Variants in SEM1 observed in about 807,000 individuals in gnomAD.
SEM1 encodes 26S proteasome complex subunit SEM1.
SEM1 carries 3 observed loss-of-function variants against 12.7 expected under a neutral mutation model. The ratio of observed to expected loss-of-function variants is 0.24; its 90% CI spans 0.11 to 0.61. The LOEUF is 0.61. Ranked by LOEUF, SEM1 falls within the 20% of genes least tolerant of loss-of-function variation. The pLI, the probability that SEM1 is intolerant of heterozygous loss-of-function variation, is 0.88. For missense variants in SEM1, 59 were observed against 81.3 expected (o/e 0.73, Z 1.06); for synonymous variants, 30 against 27.8 (o/e 1.08, Z -0.25).
intron 2 of SEM1, among the ~76,000 whole-genome samples, chr7:96,528,578 T>C (rs1432896550): frequency 1.3e-5 from 2 of 152,140 alleles, no homozygotes; most frequent in Non-Finnish European, 2.9e-5. Context: ...GCCATCTTGA[T>C]TCAAAAACAA....
At chr7:96,681,952 T>C (rs896174354) in intron 2 of SEM1, among the ~76,000 whole-genome samples, 6 of 152,162 alleles carry the variant, frequency 3.9e-5, no homozygotes, top group East Asian at 3.8e-4. Flanking sequence ...GGGAACAGCA[T>C]TGAATCTGTA....
At chr7:96,597,547 A>G (rs568259572) in intron 2 of SEM1, among the ~76,000 whole-genome samples, 3 of 152,228 alleles carry the variant, frequency 2.0e-5, no homozygotes, top group African/African-American at 7.2e-5. Flanking sequence ...CATAAAATAC[A>G]GGTCACTATT....
chr7:96,540,015 T>C (rs1804898158), intron 2 of SEM1, among the ~76,000 whole-genome samples: 1 of 150,562 alleles, frequency 6.6e-6, no homozygotes, highest in South Asian at 2.1e-4. Flanking sequence ...ATTATAAAAA[T>C]AAGTTATAAA....
chr7:96,598,539 T>A (rs1807079166), intron 2 of SEM1, among the ~76,000 whole-genome samples: 1 of 152,144 alleles, frequency 6.6e-6, no homozygotes, highest in African/African-American at 2.4e-5. Context: ...TCAATCTACA[T>A]CCTCTTGCAG....
At chr7:96,594,774 T>A (rs921270219) in intron 2 of SEM1, among the ~76,000 whole-genome samples, 1 of 152,154 alleles carries the variant, frequency 6.6e-6, no homozygotes, top group Non-Finnish European at 1.5e-5. Flanking sequence ...CATCTATTAA[T>A]GTATTACAAA....
At position 96,693,240 on chromosome 7, in the gene SEM1, T is replaced by C. The variant is rs1298264582; in HGVS notation, c.170+1558A>G. ...AGAAGACTGGAATACATATATCTTC[T>C]ATATCTTTACTTGAGCAAAGTATAT... On this transcript the variant is annotated intron_variant, in intron 2 of 2. Transcript: ENST00000248566. Among the ~76,000 whole-genome samples, 3 of 152,222 alleles carry C rather than the reference T, an allele frequency of 2.0e-5. 1 individual carries two copies. The East Asian group carries it at 5.8e-4, about 29-fold the overall frequency.
At chr7:96,486,383 C>T in exon 2 of SEM1, 4 of 1,537,008 alleles carry the variant, frequency 2.6e-6, no homozygotes, top group Non-Finnish European at 3.5e-6. Flanking sequence ...CACTTTTCCT[C>T]CTTGTACAGC....
rs555669150 is a variant in SEM1, at chr7:96,681,490, T to A, written c.171-7631A>T. Among the ~76,000 whole-genome samples the A allele has an allele frequency of 2.0e-5, 3 of 152,228 alleles. No homozygotes were observed. In the East Asian group the frequency reaches 5.8e-4, roughly 29 times the overall value. On this transcript the variant is annotated intron_variant, in intron 2 of 2. Coordinates refer to the SEM1 transcript ENST00000413065. ...AAGTAACAAAACACCCAACCTAAGA[T>A]TTCTTAAATAAGGACGTTTGGTTTT...
intron 2 of SEM1, among the ~76,000 whole-genome samples, chr7:96,568,236 C>T (rs949341968): frequency 3.0e-5 from 4 of 134,500 alleles, no homozygotes; most frequent in African/African-American, 1.1e-4. Flanking sequence ...GAAATGTCAA[C>T]CATTTTTTTT....
chr7:96,498,581 T>A (rs987930204), upstream of SEM1, among the ~76,000 whole-genome samples: 4 of 152,162 alleles, frequency 2.6e-5, no homozygotes, highest in African/African-American at 9.7e-5. Context: ...CACCATAAGA[T>A]TGTTCAGAGC....
At chr7:96,604,588 A>G (rs530018115) in intron 2 of SEM1, among the ~76,000 whole-genome samples, 3 of 152,100 alleles carry the variant, frequency 2.0e-5, no homozygotes, top group African/African-American at 7.2e-5. Context: ...GGGGTCATCT[A>G]GTGTATGGTG....
intron 2 of SEM1, among the ~76,000 whole-genome samples, chr7:96,520,188 T>C (rs1804227787): frequency 6.6e-6 from 1 of 152,146 alleles, no homozygotes; most frequent in Admixed American, 6.5e-5. Flanking sequence ...GGGTCACTCA[T>C]CATACTGTGT....
intron 2 of SEM1, chr7:96,673,910 A>C: frequency 1.3e-6 from 1 of 754,380 alleles, no homozygotes; most frequent in Admixed American, 1.7e-5. Context: ...AGCCACTGTG[A>C]TCTGTGGGCT....
rs534382783 is a variant in SEM1 at position 96,508,721 on chromosome 7, G to A, written c.171-2023C>T. Among the ~76,000 whole-genome samples the A allele has an allele frequency of 7.2e-5, 11 of 152,222 alleles. No homozygotes were observed. The South Asian group carries it at 1.9e-3, about 26-fold the overall frequency. On this transcript the variant is annotated intron_variant and NMD_transcript_variant, in intron 2 of 3. Coordinates refer to the SEM1 transcript ENST00000466986. ...TTTGGCTACAGAGCTAGTGGCATAA[G>A]GTGGATAAATACAATATAGAATGTG...
chr7:96,489,797 G>A (rs1369442555), intron 1 of SEM1, among the ~76,000 whole-genome samples: 2 of 152,114 alleles, frequency 1.3e-5, no homozygotes, highest in Admixed American at 6.5e-5. Context: ...CTCTGCCTCC[G>A]CCTTCACATG....
intron 2 of SEM1, among the ~76,000 whole-genome samples, chr7:96,659,038 C>T (rs1809279216): frequency 6.6e-6 from 1 of 152,046 alleles, no homozygotes; most frequent in Non-Finnish European, 1.5e-5. Context: ...GAAAACTTGG[C>T]AGATGTCCAT....
At chr7:96,628,135 T>C in intron 2 of SEM1, among the ~76,000 whole-genome samples, 1 of 152,084 alleles carries the variant, frequency 6.6e-6, no homozygotes, top group Non-Finnish European at 1.5e-5. Context: ...CTTCCCTTTA[T>C]TTTCAGTCTA....
At chr7:96,567,850 C>T (rs995245047) in intron 2 of SEM1, among the ~76,000 whole-genome samples, 1 of 151,118 alleles carries the variant, frequency 6.6e-6, no homozygotes, top group African/African-American at 2.4e-5. Flanking sequence ...TCTTTTAAAG[C>T]AATGTTGGAT....
chr7:96,490,123 A>T (rs79902286), intron 1 of SEM1, among the ~76,000 whole-genome samples: 4,910 of 152,106 alleles, frequency 0.032, 263 homozygotes, highest in African/African-American at 0.11. Flanking sequence ...GATGAAAAAA[A>T]ATTTCTTGAA....
Sources: gnomAD v4.1 joint callset for allele counts (sites outside exome capture counted in the v4.1 genomes callset) on GRCh38, gnomAD v4.1.1 for gene constraint, MANE v1.5 for transcripts, NCBI Gene and HGNC (gene_info 2026-07-23, HGNC 2026-07-21) for gene names.